The following PTH2R variants were observed in gnomAD, a reference collection of about 807,000 sequenced individuals.
PTH2R encodes the protein parathyroid hormone 2 receptor.
PTH2R carries 59 observed loss-of-function variants against 60.3 expected under a neutral mutation model. That is an observed-to-expected ratio of 0.98 (90% CI 0.79 to 1.22). The LOEUF (loss-of-function observed/expected upper bound fraction) is 1.22, where lower values mean the gene tolerates loss of function less well. Ranked by LOEUF, PTH2R falls within the 50% of genes most tolerant of loss-of-function variation. The probability of loss-of-function intolerance (pLI) is 0.00; values close to 1 mark genes in which losing one functional copy is unlikely to be tolerated. For synonymous variants in PTH2R, 256 were observed against 243.8 expected (o/e 1.05, Z -0.47); for missense variants, 749 against 682.6 (o/e 1.10, Z -1.08).
At chr2:208,422,826 A>C (rs1484268380) in intron 1 of PTH2R, among the ~76,000 whole-genome samples, 1 of 152,184 alleles carries the variant, frequency 6.6e-6, no homozygotes, top group South Asian at 2.1e-4. Context: ...AATAATATTG[A>C]TAACTGTCAA....
chr2:208,468,213 T>C (rs1462574544), intron 9 of PTH2R, among the ~76,000 whole-genome samples: 1 of 152,188 alleles, frequency 6.6e-6, no homozygotes, highest in Non-Finnish European at 1.5e-5. Flanking sequence ...CAGAGGGTGG[T>C]GCTCCTTCTT....
At chr2:208,398,721 T>A (rs1701255068) in intron 1 of PTH2R, among the ~76,000 whole-genome samples, 1 of 152,244 alleles carries the variant, frequency 6.6e-6, no homozygotes, top group Non-Finnish European at 1.5e-5. Flanking sequence ...CTAATTAATT[T>A]ATTTACTATC....
In PTH2R at chr2:208,446,485, C is replaced by T. The variant is rs375468262; in HGVS notation, c.853+1598C>T. Among the ~76,000 whole-genome samples the T allele has an allele frequency of 8.5e-5, 13 of 152,226 alleles. No individual in the cohort carries two copies. In the East Asian group the frequency reaches 2.1e-3, roughly 25 times the overall value. ...ATAGTTTGAGAACACACATGAAAAC[C>T]GGTTGACTTTTCATGGAAACTGTCT... is the stretch of plus-strand genomic sequence containing the variant. On this transcript the variant is annotated intron_variant, in intron 7 of 12. Coordinates refer to ENST00000272847, the MANE Select transcript of PTH2R (RefSeq NM_005048.4).
chr2:208,368,488 T>A (rs909537250), intron 1 of PTH2R, among the ~76,000 whole-genome samples: 9 of 152,206 alleles, frequency 5.9e-5, no homozygotes, highest in Admixed American at 2.6e-4. Context: ...TCAAAGTGGA[T>A]CTTGCCTCAA....
At chr2:208,361,856 G>A (rs539485609) in intron 1 of PTH2R, among the ~76,000 whole-genome samples, 1 of 152,076 alleles carries the variant, frequency 6.6e-6, no homozygotes, top group African/African-American at 2.4e-5. Context: ...TGTTTGAGTT[G>A]TGTGATGTTT....
At chr2:208,446,223 A>T (rs1432207145) in intron 7 of PTH2R, among the ~76,000 whole-genome samples, 1 of 151,878 alleles carries the variant, frequency 6.6e-6, no homozygotes, top group African/African-American at 2.4e-5. Flanking sequence ...CTCCTTATTA[A>T]CTCTTTATTT....
chr2:208,361,435 C>T (rs1235368748), intron 1 of PTH2R: 1 of 152,192 alleles, frequency 6.6e-6, no homozygotes, highest in Non-Finnish European at 1.5e-5. Context: ...ACGCACCCAA[C>T]CAGTGCTCTG....
rs752777881 is a variant in PTH2R, at chr2:208,459,888, G to A, written c.915-7G>A. On this transcript the variant is annotated splice_polypyrimidine_tract_variant and splice_region_variant and intron_variant, in intron 8 of 12. Coordinates refer to ENST00000272847, the MANE Select transcript of PTH2R (RefSeq NM_005048.4). The stretch of plus-strand genomic sequence containing the variant: ...TTATTCATGACAGCTTTTTTTCAAT[G>A]TCTCAGGTGCTGGGAACTTAGTGCT... 1.9e-6 allele frequency: 3 copies of A among 1,610,416 alleles called. No individual in the cohort carries two copies. The highest frequency in any genetic ancestry group is 2.2e-5 in the South Asian group (2 of 90,298).
chr2:208,462,214 A>C (rs1702648622), intron 9 of PTH2R, among the ~76,000 whole-genome samples: 1 of 152,234 alleles, frequency 6.6e-6, no homozygotes, highest in African/African-American at 2.4e-5. Context: ...GAAATAAATA[A>C]TTTACTTATT....
rs183237236 is a variant in PTH2R, at chr2:208,367,011, G to A, written c.-259+6774G>A. Among the ~76,000 whole-genome samples, 376 of 152,124 alleles carry A rather than the reference G, an allele frequency of 2.5e-3. 2 individuals carry two copies. The highest frequency in any genetic ancestry group is 8.6e-3 in the African/African-American group (357 of 41,490). Reference sequence around the variant, plus strand: ...CTGTCCATAAATCATCTTCCATGGCGTAGGTGTGCTGGAGTCTCAGAGTCT... The same window carrying A: ...CTGTCCATAAATCATCTTCCATGGCATAGGTGTGCTGGAGTCTCAGAGTCT... On this transcript the variant is annotated intron_variant, in intron 1 of 12. Coordinates refer to the PTH2R transcript ENST00000617735.
chr2:208,468,984 G>A (rs1321517525), intron 9 of PTH2R, among the ~76,000 whole-genome samples: 2 of 152,170 alleles, frequency 1.3e-5, no homozygotes, highest in African/African-American at 4.8e-5. Context: ...AGAGCACAAA[G>A]CAAGTAAAAT....
chr2:208,437,390 T>G, intron 2 of PTH2R, 147 bp from the exon 3 acceptor site: 1 of 581,318 alleles, frequency 1.7e-6, no homozygotes, highest in Non-Finnish European at 3.0e-6. Flanking sequence ...TTGCATCATA[T>G]CTATTCTATC....
Position 208,372,411 on chromosome 2 carries a change from A to G in PTH2R, c.-259+12174A>G, listed in dbSNP as rs149695179. On this transcript the variant is annotated intron_variant, in intron 1 of 12. Transcript: ENST00000617735. ...TTACAATTTAAGACTATTCTAGGTC[A>G]TGGAAGTGTGTGTTAGGACATATAA... is the stretch of plus-strand genomic sequence containing the variant. 2.0e-4 allele frequency among the ~76,000 whole-genome samples: 31 copies of G among 152,218 alleles called. No homozygotes were observed. In the East Asian group the frequency reaches 6.0e-3, roughly 29 times the overall value.
intron 1 of PTH2R, among the ~76,000 whole-genome samples, chr2:208,396,456 A>G (rs1180375947): frequency 6.6e-6 from 1 of 152,172 alleles, no homozygotes; most frequent in Non-Finnish European, 1.5e-5. Flanking sequence ...AACTTAAACA[A>G]ATTTACAAGA....
chr2:208,400,827 T>A (rs1687056749), intron 1 of PTH2R, among the ~76,000 whole-genome samples: 1 of 152,220 alleles, frequency 6.6e-6, no homozygotes. Flanking sequence ...CTAATAAACA[T>A]TATATTTGAT....
At chr2:208,438,330 C>T (rs915927763) in intron 4 of PTH2R, among the ~76,000 whole-genome samples, 4 of 152,030 alleles carry the variant, frequency 2.6e-5, no homozygotes, top group African/African-American at 4.8e-5. Flanking sequence ...ATCTCATTAG[C>T]GTATAAAAGA....
At chr2:208,423,408 T>C (rs1219250923) in intron 1 of PTH2R, among the ~76,000 whole-genome samples, 6 of 152,232 alleles carry the variant, frequency 3.9e-5, no homozygotes, top group African/African-American at 1.2e-4. Flanking sequence ...CTTTTTGTTA[T>C]TGATTTCCAG....
chr2:208,444,604 G>A (rs774186806), intron 6 of PTH2R, 130 bp from the exon 7 acceptor site: 137 of 693,734 alleles, frequency 2.0e-4, no homozygotes, highest in Non-Finnish European at 2.6e-4. Context: ...CAACAGTTTT[G>A]ACTTTACTGT....
intron 1 of PTH2R, among the ~76,000 whole-genome samples, chr2:208,364,317 A>G (rs911622958): frequency 6.6e-6 from 1 of 152,002 alleles, no homozygotes; most frequent in African/African-American, 2.4e-5. Context: ...CAATGTCCTG[A>G]CGATTTTTTT....
Sources: gnomAD v4.1 joint callset for allele counts (sites outside exome capture counted in the v4.1 genomes callset) on GRCh38, gnomAD v4.1.1 for gene constraint, MANE v1.5 for transcripts, NCBI Gene and HGNC (gene_info 2026-07-23, HGNC 2026-07-21) for gene names.